HAUS7: variants seen among roughly 807,000 people sequenced by gnomAD.
HAUS7 encodes HAUS augmin-like complex subunit 7.
In HAUS7, 3 loss-of-function variants were observed where a neutral mutation model predicts 28.4. The observed-to-expected ratio is 0.11, with a 90% confidence interval of 0.05 to 0.27. HAUS7 has a LOEUF of 0.27. Among genes scored for constraint, HAUS7 ranks in the 10% least tolerant of loss-of-function variants. The probability of loss-of-function intolerance (pLI) is 1.00; values close to 1 mark genes in which losing one functional copy is unlikely to be tolerated. For synonymous variants in HAUS7, 165 were observed against 132.1 expected (o/e 1.25, Z -1.71); for missense variants, 284 against 297.3 (o/e 0.96, Z 0.33).
In HAUS7 at chrX:153,457,119, G is replaced by A. The variant is rs781877970; in HGVS notation, c.446+18C>T. ...GAAGCCCGTCAATACTGCCCACCTGGGCCATCCACACCTTTACCTCGAGCA... is the reference window on the plus strand; with the variant it reads ...GAAGCCCGTCAATACTGCCCACCTGAGCCATCCACACCTTTACCTCGAGCA... On this transcript the variant is annotated intron_variant, in intron 5 of 9. Transcript: ENST00000370211. The A allele has an allele frequency of 2.8e-6, 3 of 1,066,381 alleles. No individual in the cohort carries two copies. The highest frequency in any genetic ancestry group is 3.0e-5 in the East Asian group (1 of 33,178). 87.9% of individuals were successfully genotyped at this position (1,066,381 alleles called of 1,213,427 possible). A position where few individuals can be genotyped will look rare whatever the true frequency, so the allele number is the denominator to read the frequency against.
upstream of HAUS7, among the ~76,000 whole-genome samples, chrX:153,471,633 ACTGTGCCCTCCT>A (rs1239242919): frequency 1.6e-4 from 18 of 112,787 alleles, no homozygotes; most frequent in African/African-American, 5.8e-4. Context: ...GGCAGCTGCC[ACTGTGCCCTCCT>A]CTGTGCCCTA....
rs370287489 is a variant in HAUS7, at chrX:153,455,089, C to T, written c.930+453G>A. Reference sequence around the variant, plus strand: ...GAACAACGAAACAAGCAAACATTGACGAGCCCACTTCCTCTCATCCTGTCT... The same window carrying T: ...GAACAACGAAACAAGCAAACATTGATGAGCCCACTTCCTCTCATCCTGTCT... On this transcript the variant is annotated intron_variant, in intron 8 of 9. Transcript: ENST00000370211. 2.9e-5 allele frequency: 25 copies of T among 868,673 alleles called. No homozygotes were observed. In the African/African-American group the frequency reaches 3.7e-4, roughly 13 times the overall value. 71.6% of individuals were successfully genotyped at this position (868,673 alleles called of 1,213,427 possible).
In HAUS7 at chrX:153,454,487, C is replaced by T. The variant is rs782570235; in HGVS notation, c.952G>A (p.Val318Ile). 1 of 1,001,899 alleles carries T rather than the reference C, an allele frequency of 1.0e-6. No individual in the cohort carries two copies. Among genetic ancestry groups the T allele is most frequent in the South Asian group, 2.0e-5 (1 of 50,860 alleles). 82.6% of individuals were successfully genotyped at this position (1,001,899 alleles called of 1,213,427 possible). A position where few individuals can be genotyped will look rare whatever the true frequency, so the allele number is the denominator to read the frequency against. Reference sequence around the variant, plus strand: ...ACGGCCTTCGCAGAGGTGTCAGCAACTGCCATGACCACTTGCAGCAGCTGG... The same window carrying T: ...ACGGCCTTCGCAGAGGTGTCAGCAATTGCCATGACCACTTGCAGCAGCTGG... ...YSQLLQVVMA[V>I]ADTSAKAVET... Residue 318 changes from valine (V) to isoleucine (I), a missense_variant, in exon 9 of 10, where the codon GTT becomes ATT. Coordinates refer to ENST00000370211, the MANE Select transcript of HAUS7 (RefSeq NM_001385482.1).
At chrX:153,457,346 G>A (rs1222405468) in intron 4 of HAUS7, 118 bp from the exon 5 acceptor site, 4 of 505,402 alleles carry the variant, frequency 7.9e-6, no homozygotes, top group Admixed American at 6.3e-5. Context: ...GAAAGGAGGG[G>A]CCTGGCCCAT....
intron 9 of HAUS7, 50 bp downstream of exon 9, chrX:153,454,344 C>A (rs1556981530): frequency 4.2e-6 from 3 of 712,444 alleles, no homozygotes; most frequent in Non-Finnish European, 6.8e-6. Flanking sequence ...GAAAAGGAAG[C>A]CTGTGCGTGG....
intron 1 of HAUS7, among the ~76,000 whole-genome samples, chrX:153,470,083 G>A (rs2089501909): frequency 8.9e-6 from 1 of 112,566 alleles, no homozygotes; most frequent in African/African-American, 3.2e-5. Flanking sequence ...TCGCTGACTT[G>A]ACAGAGTGGC....
chrX:153,459,915 C>T (rs1556983034), intron 4 of HAUS7, among the ~76,000 whole-genome samples: 1 of 111,855 alleles, frequency 8.9e-6, no homozygotes, highest in Non-Finnish European at 1.9e-5. Context: ...ACTCAGAGGG[C>T]TGAGGTGGGA....
At chrX:153,473,946 C>T (rs1032048140), upstream of HAUS7, among the ~76,000 whole-genome samples, 2 of 112,591 alleles carry the variant, frequency 1.8e-5, no homozygotes, top group Non-Finnish European at 3.8e-5. Context: ...GGGCAGCCCA[C>T]GCCATCTGCA....
intron 1 of HAUS7, chrX:153,481,093 G>A (rs1055169162): frequency 1.4e-4 from 89 of 654,873 alleles, no homozygotes; most frequent in Non-Finnish European, 1.6e-4. Flanking sequence ...GGCCACCCAG[G>A]CACTGCCCCG....
chrX:153,480,474 C>T (rs782162536), intron 1 of HAUS7: 15 of 487,341 alleles, frequency 3.1e-5, no homozygotes, highest in Non-Finnish European at 3.8e-5. Flanking sequence ...AAAGGCGGGG[C>T]GGGGGGAGGC....
intron 2 of HAUS7, among the ~76,000 whole-genome samples, chrX:153,465,312 C>CA (rs72146941): frequency 0.017 from 986 of 57,045 alleles, 16 homozygotes; most frequent in African/African-American, 0.044. Flanking sequence ...TTCTCAAGAC[C>CA]AAAAAAAAAA....
chrX:153,461,621 C>T (rs781944438), intron 4 of HAUS7: 3 of 124,448 alleles, frequency 2.4e-5, no homozygotes, highest in Non-Finnish European at 4.8e-5. Context: ...AAATGGCCAA[C>T]AAGCTCACAA....
At chrX:153,462,723 G>A (rs1556983641) in intron 3 of HAUS7, 52 bp from the exon 4 acceptor site, 2 of 971,986 alleles carry the variant, frequency 2.1e-6, no homozygotes, top group Non-Finnish European at 2.9e-6. Context: ...AGACAGCAGG[G>A]GACAGCAGAC....
chrX:153,490,441 C>T (rs1282677713), intron 1 of HAUS7, among the ~76,000 whole-genome samples: 9 of 112,913 alleles, frequency 8.0e-5, no homozygotes, highest in African/African-American at 2.6e-4. Context: ...AGAGTGGAGG[C>T]TCCGCTCACT....
intron 4 of HAUS7, among the ~76,000 whole-genome samples, chrX:153,458,026 G>A (rs146243416): frequency 1.5e-3 from 174 of 113,522 alleles, no homozygotes; most frequent in African/African-American, 5.2e-3. Context: ...TGCCTTCAGC[G>A]CCAACTTGTC....
intron 3 of HAUS7, 73 bp from the exon 4 acceptor site, chrX:153,462,744 C>A: frequency 1.2e-6 from 1 of 827,304 alleles, no homozygotes; most frequent in Admixed American, 2.3e-5. Flanking sequence ...ACCCAGGAAG[C>A]CCAGCACCCA....
At chrX:153,476,970 G>A (rs1050939557) in intron 1 of HAUS7, among the ~76,000 whole-genome samples, 2 of 112,889 alleles carry the variant, frequency 1.8e-5, no homozygotes, top group African/African-American at 6.4e-5. Flanking sequence ...GCTCCATGGG[G>A]GTTCCTTCAA....
rs782574712 is a variant in HAUS7 at position 153,456,343 on chromosome X, G to C, written c.627C>G (p.Ser209=). The C allele has an allele frequency of 8.3e-7, 1 of 1,208,476 alleles. No homozygotes were observed. Among genetic ancestry groups the C allele is most frequent in the Admixed American group, 2.2e-5 (1 of 45,889 alleles). Residue 209 remains serine, a synonymous_variant, in exon 7 of 10, where the codon TCC becomes TCG. Transcript: ENST00000370211. ...DWQWASASAK[S]EEEEKLAELA... Reference sequence around the variant, plus strand: ...GCTCCGCCAGCTTCTCCTCCTCCTCGGACTTGGCAGAGGCACTGGCCCTGC... The same window carrying C: ...GCTCCGCCAGCTTCTCCTCCTCCTCCGACTTGGCAGAGGCACTGGCCCTGC...
intron 1 of HAUS7, among the ~76,000 whole-genome samples, chrX:153,476,320 G>A (rs782530982): frequency 5.4e-5 from 6 of 111,802 alleles, no homozygotes; most frequent in African/African-American, 9.8e-5. Flanking sequence ...ACTTTCTCAC[G>A]GTCCTCACCT....
Sources: gnomAD v4.1 joint callset for allele counts (sites outside exome capture counted in the v4.1 genomes callset) on GRCh38, gnomAD v4.1.1 for gene constraint, MANE v1.5 for transcripts, NCBI Gene and HGNC (gene_info 2026-07-23, HGNC 2026-07-21) for gene names.